Variants in SLC66A2 observed in about 807,000 individuals in gnomAD.
SLC66A2 encodes the protein solute carrier family 66 member 2, also known as PQ loop repeat containing 1.
SLC66A2 carries 23 observed loss-of-function variants against 25.5 expected under a neutral mutation model. The ratio of observed to expected loss-of-function variants is 0.90; its 90% CI spans 0.65 to 1.28. The LOEUF (loss-of-function observed/expected upper bound fraction) is 1.28, where lower values mean the gene tolerates loss of function less well. Among genes scored for constraint, SLC66A2 ranks in the 50% most tolerant of loss-of-function variants. The pLI is 0.00. For synonymous variants in SLC66A2, 193 were observed against 166.5 expected, an observed-to-expected ratio of 1.16 and a Z score of -1.23; for missense variants, 396 against 373.1, an observed-to-expected ratio of 1.06 and a Z score of -0.51.
chr18:79,908,467 AT>A (rs1568290630), intron 5 of SLC66A2, among the ~76,000 whole-genome samples: 1 of 152,008 alleles, frequency 6.6e-6, no homozygotes, highest in Non-Finnish European at 1.5e-5. Flanking sequence ...TGCTTTCGAC[AT>A]TTTTTATTTG....
At chr18:79,931,780 T>TGGTG (rs1440442518) in intron 4 of SLC66A2, among the ~76,000 whole-genome samples, 1 of 152,092 alleles carries the variant, frequency 6.6e-6, no homozygotes, top group Non-Finnish European at 1.5e-5. Flanking sequence ...TGGGAGGCTG[T>TGGTG]GGTGGGTGGG....
Position 79,927,735 on chromosome 18 carries a change from C to T in SLC66A2, c.391+6234G>A, listed in dbSNP as rs1381805164. On this transcript the variant is annotated intron_variant, in intron 4 of 5. Transcript: ENST00000397778. This position sits in a 1 kb window ranked among gnomAD's most constrained non-coding sequence, Gnocchi z 6.2. ...CTAGGGCCAGAGTGGGAGGGCCAGC[C>T]GTGCCGGCTTCCAAAGAGGACCCCG... Among the ~76,000 whole-genome samples, 2 of 152,156 alleles carry T rather than the reference C, an allele frequency of 1.3e-5. No individual in the cohort carries two copies. The highest frequency in any genetic ancestry group is 2.4e-5 in the African/African-American group (1 of 41,430).
chr18:79,941,950 C>T lies in SLC66A2; in HGVS notation c.337+1379G>A, dbSNP rs1599646279. 6.6e-6 allele frequency among the ~76,000 whole-genome samples: 1 copy of T among 152,236 alleles called. No individual in the cohort carries two copies. Among genetic ancestry groups the T allele is most frequent in the Admixed American group, 6.5e-5 (1 of 15,290 alleles). Reference sequence around the variant, plus strand: ...GCATCTTAGGCACAAACCGTTCTCTCGGCCAGCCGGCCCTCCCACAGTGAG... The same window carrying T: ...GCATCTTAGGCACAAACCGTTCTCTTGGCCAGCCGGCCCTCCCACAGTGAG... On this transcript the variant is annotated intron_variant, in intron 3 of 5. Transcript: ENST00000397778. This position sits in a 1 kb window ranked among gnomAD's most constrained non-coding sequence, Gnocchi z 4.1.
intron 5 of SLC66A2, among the ~76,000 whole-genome samples, chr18:79,905,721 C>T (rs1039763909): frequency 2.0e-5 from 3 of 152,356 alleles, no homozygotes; most frequent in Admixed American, 6.5e-5. Context: ...GATGTGCTTG[C>T]GAACAAGACT....
At chr18:79,906,730 C>CTT (rs1369840723) in intron 5 of SLC66A2, among the ~76,000 whole-genome samples, 2 of 152,192 alleles carry the variant, frequency 1.3e-5, no homozygotes, top group African/African-American at 4.8e-5. Flanking sequence ...TCCTTGCTAA[C>CTT]TTTGTCTGCT....
chr18:79,904,102 G>A lies in SLC66A2; in HGVS notation c.690C>T (p.Phe230=). 6.2e-7 allele frequency: 1 copy of A among 1,612,926 alleles called. No homozygotes were observed. The highest frequency in any genetic ancestry group is 8.5e-7 in the Non-Finnish European group (1 of 1,179,786). ...GCACCTGCAGCAGGCCGCACACGGA[G>A]AACTGCAGAGGGGCACCCTTCAGCA... ...YFLLKGAPLQ[F]SVCGLLQVLV... is the part of the protein sequence containing the mutation. The change falls in exon 6 of 6, where the codon TTC becomes TTT. Residue 230 remains phenylalanine, a synonymous_variant. Coordinates refer to ENST00000397778, the MANE Select transcript of SLC66A2 (RefSeq NM_025078.5). This position sits in a 1 kb window ranked among gnomAD's most constrained non-coding sequence, Gnocchi z 6.3.
chr18:79,912,061 AG>A (rs1983266581), intron 5 of SLC66A2, among the ~76,000 whole-genome samples: 1 of 110,826 alleles, frequency 9.0e-6, no homozygotes, highest in African/African-American at 3.4e-5. Flanking sequence ...CAGTAGCAGG[AG>A]GGGATGGCAG....
intron 5 of SLC66A2, among the ~76,000 whole-genome samples, chr18:79,909,819 A>AC (rs1365591021): frequency 2.5e-5 from 2 of 80,656 alleles, no homozygotes; most frequent in Non-Finnish European, 4.8e-5. Flanking sequence ...AGAGTCCCCA[A>AC]CCTTCCCCAC....
At chr18:79,922,511 C>G (rs949900489) in intron 4 of SLC66A2, among the ~76,000 whole-genome samples, 3 of 152,152 alleles carry the variant, frequency 2.0e-5, no homozygotes, top group African/African-American at 7.2e-5. Context: ...CAACACGCCT[C>G]GGCCACGGTG....
At position 79,918,128 on chromosome 18, in the gene SLC66A2, C is replaced by G. The variant is rs1032046047; in HGVS notation, c.608+1056G>C. Among the ~76,000 whole-genome samples, 1 of 152,128 alleles carries G rather than the reference C, an allele frequency of 6.6e-6. No individual in the cohort carries two copies. Among genetic ancestry groups the G allele is most frequent in the Non-Finnish European group, 1.5e-5 (1 of 68,032 alleles). Reference sequence around the variant, plus strand: ...CACGGGCAACTGAACCTACACACAACCCCCGGCCCTCACACCTCTGCCCAC... The same window carrying G: ...CACGGGCAACTGAACCTACACACAAGCCCCGGCCCTCACACCTCTGCCCAC... On this transcript the variant is annotated intron_variant, in intron 5 of 5. Coordinates refer to ENST00000397778, the MANE Select transcript of SLC66A2 (RefSeq NM_025078.5). The surrounding 1 kb of genome is among the most constrained non-coding windows in gnomAD (Gnocchi z 4.0).
intron 3 of SLC66A2, among the ~76,000 whole-genome samples, chr18:79,936,860 C>T (rs1987142419): frequency 6.6e-6 from 1 of 152,188 alleles, no homozygotes; most frequent in Non-Finnish European, 1.5e-5. Flanking sequence ...TATAAACCTC[C>T]ACCCCCAATA....
chr18:79,906,841 G>C (rs1218043986), intron 5 of SLC66A2, among the ~76,000 whole-genome samples: 1 of 152,126 alleles, frequency 6.6e-6, no homozygotes, highest in Non-Finnish European at 1.5e-5. Context: ...CCAGGCTCTG[G>C]GGTTCCATGC....
In SLC66A2 at chr18:79,922,283, A is replaced by G. The variant is rs1333591164; in HGVS notation, c.392-2883T>C. 1.1e-4 allele frequency among the ~76,000 whole-genome samples: 7 copies of G among 60,976 alleles called. No individual in the cohort carries two copies. The South Asian group carries it at 4.0e-3, about 35-fold the overall frequency. 40.0% of individuals were successfully genotyped at this position (60,976 alleles called of 152,430 possible). On this transcript the variant is annotated intron_variant, in intron 4 of 5. Transcript: ENST00000397778. ...CAGAGACACTTGTCTCTTTGAAAAG[A>G]AAAAAAAAAAAAAAAAAGCTAAAAT...
rs1986145790 is a variant in SLC66A2 at position 79,927,803 on chromosome 18, C to T, written c.391+6166G>A. On this transcript the variant is annotated intron_variant, in intron 4 of 5. Coordinates refer to ENST00000397778, the MANE Select transcript of SLC66A2 (RefSeq NM_025078.5). The surrounding 1 kb of genome is among the most constrained non-coding windows in gnomAD (Gnocchi z 6.2). Reference sequence around the variant, plus strand: ...CACTCGGCAAGGACAAATCAAGCAACTGCCGAGACAGGTGTCCGCGTCCCA... The same window carrying T: ...CACTCGGCAAGGACAAATCAAGCAATTGCCGAGACAGGTGTCCGCGTCCCA... Among the ~76,000 whole-genome samples the T allele has an allele frequency of 6.6e-6, 1 of 152,204 alleles. No individual in the cohort carries two copies. Among genetic ancestry groups the T allele is most frequent in the African/African-American group, 2.4e-5 (1 of 41,450 alleles).
Position 79,927,736 on chromosome 18 carries a change from G to A in SLC66A2, c.391+6233C>T, listed in dbSNP as rs1296387330. On this transcript the variant is annotated intron_variant, in intron 4 of 5. Transcript: ENST00000397778. This position sits in a 1 kb window ranked among gnomAD's most constrained non-coding sequence, Gnocchi z 6.2. Reference sequence around the variant, plus strand: ...TAGGGCCAGAGTGGGAGGGCCAGCCGTGCCGGCTTCCAAAGAGGACCCCGG... The same window carrying A: ...TAGGGCCAGAGTGGGAGGGCCAGCCATGCCGGCTTCCAAAGAGGACCCCGG... Among the ~76,000 whole-genome samples, 7 of 152,182 alleles carry A rather than the reference G, an allele frequency of 4.6e-5. No individual in the cohort carries two copies. The highest frequency in any genetic ancestry group is 2.0e-4 in the Admixed American group (3 of 15,290).
At chr18:79,938,754 G>A (rs1329831812) in intron 3 of SLC66A2, among the ~76,000 whole-genome samples, 2 of 152,198 alleles carry the variant, frequency 1.3e-5, no homozygotes, top group Non-Finnish European at 1.5e-5. Context: ...TTGGCTCACT[G>A]CAACCTCCAC....
chr18:79,913,491 T>C (rs1309524979), intron 5 of SLC66A2, among the ~76,000 whole-genome samples: 4 of 152,248 alleles, frequency 2.6e-5, no homozygotes, highest in Non-Finnish European at 5.9e-5. Context: ...TCATTACTGG[T>C]TCAGAAACTA....
rs1456648435 is a variant in SLC66A2, at chr18:79,903,587, T to G, written c.*389A>C. ...CGCTCACAGGCCTTACAGGGTCTCC[T>G]GCGGTCACCCCAGCTTCAAGGTTCG... On this transcript the variant is annotated 3_prime_UTR_variant, in exon 6 of 6. Transcript: ENST00000397778. 8.0e-6 allele frequency: 2 copies of G among 248,628 alleles called. No homozygotes were observed. Among genetic ancestry groups the G allele is most frequent in the Non-Finnish European group, 1.5e-5 (2 of 129,700 alleles). 15.4% of individuals were successfully genotyped at this position (248,628 alleles called of 1,614,324 possible).
At chr18:79,944,791 C>T (rs1599658557) in intron 2 of SLC66A2, 1 of 152,656 alleles carries the variant, frequency 6.6e-6, no homozygotes, top group African/African-American at 2.4e-5. Flanking sequence ...CTAGCAACAA[C>T]CACCACAGCC....
Sources: allele counts gnomAD v4.1 joint callset (sites outside exome capture counted in the v4.1 genomes callset), GRCh38; gene constraint gnomAD v4.1.1; non-coding constraint Gnocchi (gnomAD v3.1); transcripts MANE v1.5; gene names NCBI Gene and HGNC (gene_info 2026-07-23, HGNC 2026-07-21).